The following ZBTB7C variants were observed in gnomAD, a reference collection of about 807,000 sequenced individuals.
ZBTB7C encodes zinc finger and BTB domain containing 7C, also known as zinc finger and BTB domain-containing protein 7C.
ZBTB7C carries 8 observed loss-of-function variants against 25.7 expected under a neutral mutation model. The ratio of observed to expected loss-of-function variants is 0.31; its 90% CI spans 0.18 to 0.56. The LOEUF (loss-of-function observed/expected upper bound fraction) is 0.56, where lower values mean the gene tolerates loss of function less well. Among genes scored for constraint, ZBTB7C ranks in the 20% least tolerant of loss-of-function variants. The pLI, the probability that ZBTB7C is intolerant of heterozygous loss-of-function variation, is 0.91. For synonymous variants in ZBTB7C, 394 were observed against 369.0 expected, an observed-to-expected ratio of 1.07 and a Z score of -0.78; for missense variants, 824 against 855.2, an observed-to-expected ratio of 0.96 and a Z score of 0.46.
intron 2 of ZBTB7C, among the ~76,000 whole-genome samples, chr18:48,229,534 C>T (rs1375851770): frequency 6.6e-6 from 1 of 152,110 alleles, no homozygotes; most frequent in Non-Finnish European, 1.5e-5. Flanking sequence ...ATAAGAAGTT[C>T]CCTAAAAGAG....
intron 3 of ZBTB7C, among the ~76,000 whole-genome samples, chr18:48,102,564 CAAAAA>C (rs58790347): frequency 4.2e-5 from 4 of 95,616 alleles, no homozygotes; most frequent in Non-Finnish European, 6.1e-5. Context: ...GATCCTCCCT[CAAAAA>C]AAAAAAAAAA....
At chr18:48,122,538 C>T (rs2039665359) in intron 3 of ZBTB7C, among the ~76,000 whole-genome samples, 1 of 152,154 alleles carries the variant, frequency 6.6e-6, no homozygotes, top group Non-Finnish European at 1.5e-5. Context: ...CAGATGGTTG[C>T]AGCCAATTCT....
rs373728256 is a variant in ZBTB7C at position 48,393,201 on chromosome 18, G to A, written c.-304+16025C>T. On this transcript the variant is annotated intron_variant, in intron 1 of 4. Coordinates refer to ENST00000590800, the MANE Select transcript of ZBTB7C (RefSeq NM_001318841.2). ...GTGGGACTCGAGTGGAATCAAGCGGGGCCCTGCCCAGAGTATGGCTGCCCC... is the reference window on the plus strand; with the variant it reads ...GTGGGACTCGAGTGGAATCAAGCGGAGCCCTGCCCAGAGTATGGCTGCCCC... Among the ~76,000 whole-genome samples the A allele has an allele frequency of 5.2e-4, 79 of 152,054 alleles. 3 individuals carry two copies. The South Asian group carries it at 0.016, about 31-fold the overall frequency.
chr18:48,243,199 G>A (rs933303123), intron 2 of ZBTB7C, among the ~76,000 whole-genome samples: 2 of 149,410 alleles, frequency 1.3e-5, no homozygotes, highest in African/African-American at 4.9e-5. Flanking sequence ...GGGAGGTGGA[G>A]GTTGCAGTGA....
intron 3 of ZBTB7C, among the ~76,000 whole-genome samples, chr18:48,127,429 G>C (rs1362747745): frequency 6.6e-6 from 1 of 152,180 alleles, no homozygotes; most frequent in African/African-American, 2.4e-5. Context: ...TTTTAGTTCT[G>C]GTCTTACCTG....
chr18:48,110,510 T>C (rs1468156494), intron 3 of ZBTB7C, among the ~76,000 whole-genome samples: 4 of 152,244 alleles, frequency 2.6e-5, no homozygotes, highest in Non-Finnish European at 5.9e-5. Flanking sequence ...ACAATTGTGC[T>C]AGGCGGTTCC....
At chr18:48,202,290 T>C (rs552238408) in intron 2 of ZBTB7C, among the ~76,000 whole-genome samples, 1 of 152,204 alleles carries the variant, frequency 6.6e-6, no homozygotes, top group South Asian at 2.1e-4. Context: ...GGGCTGGAGT[T>C]CAGGGTATCT....
Position 48,029,368 on chromosome 18 carries a change from C to T in ZBTB7C, c.1752G>A (p.Ala584=), listed in dbSNP as rs765105693. 4.5e-6 allele frequency: 7 copies of T among 1,549,150 alleles called. No individual in the cohort carries two copies. The African/African-American group carries it at 6.9e-5, about 15-fold the overall frequency. The change falls in exon 5 of 5, where the codon GCG becomes GCA. Residue 584 remains alanine, a synonymous_variant. Transcript: ENST00000590800. The stretch of plus-strand genomic sequence containing the variant: ...CGGGCAGCGGGAAGTAGGGCCGCGC[C>T]GCCGCCACGTTCTCGGCCAGCGCGA... ...LAFALAENVA[A]ARPYFPLPDP... is the part of the protein sequence containing the mutation.
intron 2 of ZBTB7C, among the ~76,000 whole-genome samples, chr18:48,259,652 C>G (rs1170317316): frequency 6.6e-6 from 1 of 152,136 alleles, no homozygotes; most frequent in Non-Finnish European, 1.5e-5. Context: ...GAGTATATAA[C>G]TCCCAAAGCT....
intron 4 of ZBTB7C, among the ~76,000 whole-genome samples, chr18:48,034,938 A>G (rs1409335048): frequency 6.6e-6 from 1 of 152,214 alleles, no homozygotes. Context: ...AAGGCTCCCA[A>G]TCAGGATAAT....
intron 3 of ZBTB7C, among the ~76,000 whole-genome samples, chr18:48,107,447 G>A (rs879670352): frequency 3.9e-5 from 6 of 151,956 alleles, no homozygotes; most frequent in Non-Finnish European, 7.4e-5. Flanking sequence ...GGAGGGCTGG[G>A]ACCAGCCAGG....
At position 48,384,335 on chromosome 18, in the gene ZBTB7C, G is replaced by T. The variant is rs1173751740; in HGVS notation, c.-304+24891C>A. Among the ~76,000 whole-genome samples the T allele has an allele frequency of 3.9e-5, 6 of 152,372 alleles. No homozygotes were observed. In the East Asian group the frequency reaches 1.2e-3, roughly 29 times the overall value. ...TATCCGCACTCATACCTAGGAGCCA[G>T]ACTGCTCCCTGGAGCTCCCACCACA... On this transcript the variant is annotated intron_variant, in intron 1 of 4. Transcript: ENST00000590800.
chr18:48,235,058 A>AT (rs527821229), intron 2 of ZBTB7C, among the ~76,000 whole-genome samples: 2 of 151,624 alleles, frequency 1.3e-5, no homozygotes, highest in East Asian at 1.9e-4. Context: ...TTCACTTTCA[A>AT]TTTTTTTTTG....
intron 2 of ZBTB7C, among the ~76,000 whole-genome samples, chr18:48,248,534 T>C (rs934658363): frequency 2.0e-5 from 3 of 152,182 alleles, no homozygotes; most frequent in South Asian, 2.1e-4. Flanking sequence ...TCCCTGGTCA[T>C]TGTTTGTCCT....
chr18:48,292,519 C>T (rs1030310079), intron 2 of ZBTB7C, among the ~76,000 whole-genome samples: 1 of 152,098 alleles, frequency 6.6e-6, no homozygotes, highest in Admixed American at 6.5e-5. Context: ...CCTGGAGAGG[C>T]CAGAAGCAGC....
chr18:48,296,647 G>A (rs1232977112), intron 2 of ZBTB7C, among the ~76,000 whole-genome samples: 2 of 152,170 alleles, frequency 1.3e-5, no homozygotes, highest in Admixed American at 6.5e-5. Flanking sequence ...CTCTCCCAAT[G>A]CCGTGTCCTA....
At chr18:48,112,331 A>G (rs1490024312) in intron 3 of ZBTB7C, among the ~76,000 whole-genome samples, 1 of 128,858 alleles carries the variant, frequency 7.8e-6, no homozygotes, top group Non-Finnish European at 1.6e-5. Flanking sequence ...TCTCTTTATA[A>G]TGAACATGAT....
At chr18:48,186,643 C>T (rs567111986) in intron 2 of ZBTB7C, among the ~76,000 whole-genome samples, 7 of 152,044 alleles carry the variant, frequency 4.6e-5, no homozygotes, top group East Asian at 1.9e-4. Context: ...TCCTGCATTT[C>T]GCCTGAGTGT....
intron 3 of ZBTB7C, among the ~76,000 whole-genome samples, chr18:48,129,260 G>T (rs148364453): frequency 6.7e-6 from 1 of 150,132 alleles, no homozygotes. Flanking sequence ...ACACACTCAG[G>T]GTGGCTTCAT....
Sources: gnomAD v4.1 joint callset for allele counts (sites outside exome capture counted in the v4.1 genomes callset) on GRCh38, gnomAD v4.1.1 for gene constraint, MANE v1.5 for transcripts, NCBI Gene and HGNC (gene_info 2026-07-23, HGNC 2026-07-21) for gene names.